The following CSMD1 variants were observed in gnomAD, a reference collection of about 807,000 sequenced individuals.
CSMD1 encodes the protein CUB and Sushi multiple domains 1, also known as CUB and sushi domain-containing protein 1.
A neutral mutation model predicts 417.5 loss-of-function variants in CSMD1; 213 were observed. The ratio of observed to expected loss-of-function variants is 0.51; its 90% CI spans 0.46 to 0.57. CSMD1 has a LOEUF of 0.57. Among genes scored for constraint, CSMD1 ranks in the 20% least tolerant of loss-of-function variants. CSMD1 has a pLI of 0.00. For synonymous variants in CSMD1, 2,862 were observed against 1,736.8 expected (o/e 1.65, Z -16.11); for missense variants, 6,923 against 4,529.7 (o/e 1.53, Z -15.17).
At chr8:4,954,731 G>C (rs553872771) in intron 1 of CSMD1, among the ~76,000 whole-genome samples, 6 of 152,282 alleles carry the variant, frequency 3.9e-5, no homozygotes, top group African/African-American at 1.4e-4. Flanking sequence ...AATATGCAGA[G>C]ACTGGAGGAT....
chr8:4,532,243 T>C (rs1796858063), intron 2 of CSMD1, among the ~76,000 whole-genome samples: 1 of 143,510 alleles, frequency 7.0e-6, no homozygotes, highest in South Asian at 2.2e-4. Flanking sequence ...GGAAGAGAAA[T>C]CCTGCACCCC....
intron 3 of CSMD1, among the ~76,000 whole-genome samples, chr8:4,139,406 GT>G (rs1249945941): frequency 6.6e-6 from 1 of 152,086 alleles, no homozygotes; most frequent in Admixed American, 6.5e-5. Context: ...GAACATTGCT[GT>G]GCTAAGCACT....
chr8:4,643,955 C>G (rs1353192910), intron 1 of CSMD1, among the ~76,000 whole-genome samples: 1 of 152,238 alleles, frequency 6.6e-6, no homozygotes, highest in Non-Finnish European at 1.5e-5. Context: ...ATCAGCCACT[C>G]TGGCTCAGCG....
intron 30 of CSMD1, among the ~76,000 whole-genome samples, chr8:3,209,210 G>T (rs560233354): frequency 6.6e-6 from 1 of 152,122 alleles, no homozygotes; most frequent in South Asian, 2.1e-4. Context: ...CTAAGCACCA[G>T]AACTACAATG....
intron 5 of CSMD1, among the ~76,000 whole-genome samples, chr8:3,786,860 T>C (rs976569526): frequency 3.3e-5 from 5 of 152,070 alleles, no homozygotes; most frequent in Non-Finnish European, 7.4e-5. Context: ...CTAATCACAT[T>C]ATGAGGGCCA....
chr8:4,510,416 A>AAAAAAAAAAAAAAAAAC (rs1802757104), intron 2 of CSMD1, among the ~76,000 whole-genome samples: 1 of 113,650 alleles, frequency 8.8e-6, no homozygotes, highest in African/African-American at 3.1e-5. Flanking sequence ...AAAAAAAAAA[A>AAAAAAAAAAAAAAAAAC]AAAAAAGCAA....
At chr8:3,240,567 G>T (rs1768286022) in intron 26 of CSMD1, among the ~76,000 whole-genome samples, 1 of 152,012 alleles carries the variant, frequency 6.6e-6, no homozygotes, top group African/African-American at 2.4e-5. Context: ...AATAATGGGG[G>T]CTGTCTGTGA....
intron 1 of CSMD1, among the ~76,000 whole-genome samples, chr8:4,965,592 G>C (rs79149009): frequency 0.036 from 5,472 of 152,284 alleles, 110 homozygotes; most frequent in Middle Eastern, 0.14. Context: ...ATAAATGAAA[G>C]AACTGGGTTT....
chr8:4,116,851 G>A (rs1011355079), intron 3 of CSMD1, among the ~76,000 whole-genome samples: 1 of 151,960 alleles, frequency 6.6e-6, no homozygotes, highest in African/African-American at 2.4e-5. Flanking sequence ...AAAGCACCTG[G>A]CATTTACTGT....
chr8:4,715,455 T>C lies in CSMD1; in HGVS notation c.86-77897A>G, dbSNP rs1012069982. Among the ~76,000 whole-genome samples, 5 of 152,308 alleles carry C rather than the reference T, an allele frequency of 3.3e-5. No individual in the cohort carries two copies. In the East Asian group the frequency reaches 9.6e-4, roughly 29 times the overall value. On this transcript the variant is annotated intron_variant, in intron 1 of 69. Transcript: ENST00000635120. Reference sequence around the variant, plus strand: ...TTTACCCATTCCCTTGACAATCTCATATGGTTTCACAGCTTAAATACCACA... The same window carrying C: ...TTTACCCATTCCCTTGACAATCTCACATGGTTTCACAGCTTAAATACCACA...
chr8:3,304,058 TTGGCCTAAAGTA>T (rs1804621836), intron 25 of CSMD1, among the ~76,000 whole-genome samples: 1 of 152,170 alleles, frequency 6.6e-6, no homozygotes, highest in Admixed American at 6.5e-5. Flanking sequence ...TCTGCAATAA[TTGGCCTAAAGTA>T]AAATATTGAA....
chr8:4,310,346 T>A (rs1337939856), intron 3 of CSMD1, among the ~76,000 whole-genome samples: 1 of 152,138 alleles, frequency 6.6e-6, no homozygotes, highest in Non-Finnish European at 1.5e-5. Context: ...AATGAATGGG[T>A]ATCTTGGTCA....
intron 3 of CSMD1, among the ~76,000 whole-genome samples, chr8:4,294,725 A>G (rs1797567296): frequency 6.6e-6 from 1 of 151,956 alleles, no homozygotes; most frequent in Admixed American, 6.6e-5. Flanking sequence ...CATATAATCT[A>G]TTTTTTTCTT....
chr8:4,301,279 A>C (rs1430864259), intron 3 of CSMD1, among the ~76,000 whole-genome samples: 2 of 152,186 alleles, frequency 1.3e-5, no homozygotes, highest in South Asian at 2.1e-4. Flanking sequence ...CAAAGTCAAC[A>C]AGCAAAATGC....
rs138702877 is a variant in CSMD1 at position 4,029,302 on chromosome 8, A to G, written c.610+2603T>C. On this transcript the variant is annotated intron_variant, in intron 4 of 69. Coordinates refer to ENST00000635120, the MANE Select transcript of CSMD1 (RefSeq NM_033225.6). ...TAACAAGTTGCATTAGTCTGTTTTC[A>G]CGCTGGTGATAATGCATACCCAAGA... 4.3e-3 allele frequency among the ~76,000 whole-genome samples: 648 copies of G among 152,308 alleles called. 4 individuals carry two copies. The highest frequency in any genetic ancestry group is 0.015 in the African/African-American group (615 of 41,566).
chr8:4,016,634 T>C lies in CSMD1; in HGVS notation c.610+15271A>G, dbSNP rs116887618. Among the ~76,000 whole-genome samples, 10 of 152,328 alleles carry C rather than the reference T, an allele frequency of 6.6e-5. No individual in the cohort carries two copies. The East Asian group carries it at 7.7e-4, about 12-fold the overall frequency. ...ATTATTTGGGTGAAGAGATGACTCT[T>C]TGCTTTGTCTTCTACAGGTTTGTCT... is the stretch of plus-strand genomic sequence containing the variant. On this transcript the variant is annotated intron_variant, in intron 4 of 69. Coordinates refer to ENST00000635120, the MANE Select transcript of CSMD1 (RefSeq NM_033225.6).
At chr8:3,428,628 C>G (rs772458866) in intron 12 of CSMD1, among the ~76,000 whole-genome samples, 1 of 152,072 alleles carries the variant, frequency 6.6e-6, no homozygotes, top group Non-Finnish European at 1.5e-5. Context: ...AGTACAGCCA[C>G]CATGGAAAAC....
rs149436702 is a variant in CSMD1, at chr8:3,508,441, G to T, written c.1345-14715C>A. Among the ~76,000 whole-genome samples the T allele has an allele frequency of 8.0e-4, 121 of 151,912 alleles. 1 individual carries two copies. In the Middle Eastern group the frequency reaches 0.014, roughly 17 times the overall value. ...TTAATGGGTGCAGCACACCAACATGGCACATGTATACATATGTAACAAACC... is the reference window on the plus strand; with the variant it reads ...TTAATGGGTGCAGCACACCAACATGTCACATGTATACATATGTAACAAACC... On this transcript the variant is annotated intron_variant, in intron 10 of 69. Coordinates refer to ENST00000635120, the MANE Select transcript of CSMD1 (RefSeq NM_033225.6).
chr8:4,467,761 G>A (rs543072355), intron 2 of CSMD1, among the ~76,000 whole-genome samples: 21 of 152,126 alleles, frequency 1.4e-4, no homozygotes, highest in South Asian at 2.1e-4. Context: ...AATATTTACC[G>A]TAGAAAGCAC....
Sources: allele counts gnomAD v4.1 joint callset (sites outside exome capture counted in the v4.1 genomes callset), GRCh38; gene constraint gnomAD v4.1.1; transcripts MANE v1.5; gene names NCBI Gene and HGNC (gene_info 2026-07-23, HGNC 2026-07-21).